Variants in CENPP observed in about 807,000 individuals in gnomAD.
CENPP encodes the protein centromere protein P.
Under a neutral mutation model 35.6 loss-of-function variants are expected in CENPP, and 24 were observed. The ratio of observed to expected loss-of-function variants is 0.67; its 90% CI spans 0.49 to 0.95. The LOEUF (loss-of-function observed/expected upper bound fraction) is 0.95, where lower values mean the gene tolerates loss of function less well. Ranked by LOEUF, CENPP falls within the 40% of genes least tolerant of loss-of-function variation. The pLI, the probability that CENPP is intolerant of heterozygous loss-of-function variation, is 0.00. For synonymous variants in CENPP, 120 were observed against 125.5 expected (o/e 0.96, Z 0.29); for missense variants, 332 against 345.3 (o/e 0.96, Z 0.31).
intron 3 of CENPP, among the ~76,000 whole-genome samples, chr9:92,342,793 C>T (rs1841163925): frequency 6.6e-6 from 1 of 152,152 alleles, no homozygotes; most frequent in Non-Finnish European, 1.5e-5. Flanking sequence ...ATGTTTATTA[C>T]TTAATGGTAA....
intron 5 of CENPP, among the ~76,000 whole-genome samples, chr9:92,588,271 CAG>C (rs376559116): frequency 4.0e-4 from 61 of 150,964 alleles, no homozygotes; most frequent in African/African-American, 1.5e-3. Context: ...TTTTTTGAGA[CAG>C]AGTCTCGCTC....
chr9:92,541,913 C>T (rs1849327465), intron 5 of CENPP, among the ~76,000 whole-genome samples: 1 of 152,132 alleles, frequency 6.6e-6, no homozygotes, highest in African/African-American at 2.4e-5. Flanking sequence ...CCTGCCTCAG[C>T]TTCATGAGTA....
At chr9:92,384,152 T>C (rs991201164) in intron 5 of CENPP, 4 of 152,166 alleles carry the variant, frequency 2.6e-5, no homozygotes, top group African/African-American at 9.6e-5. Context: ...GCTGTGATCA[T>C]TAGTTATCAA....
intron 5 of CENPP, among the ~76,000 whole-genome samples, chr9:92,556,894 C>T (rs1007548397): frequency 2.6e-5 from 4 of 151,964 alleles, no homozygotes; most frequent in African/African-American, 9.7e-5. Flanking sequence ...TTTGCTTTTG[C>T]TTTTTAGCTT....
chr9:92,500,999 A>T (rs770074932), intron 5 of CENPP: 1 of 1,614,190 alleles, frequency 6.2e-7, no homozygotes, highest in Non-Finnish European at 8.5e-7. Flanking sequence ...ACTTGGGTAG[A>T]TAGGACGGGA....
chr9:92,359,332 C>G (rs938465305), intron 4 of CENPP, among the ~76,000 whole-genome samples: 1 of 151,988 alleles, frequency 6.6e-6, no homozygotes, highest in Admixed American at 6.6e-5. Context: ...ATGTGGTAAC[C>G]CCCAAAGTCA....
chr9:92,477,900 A>T (rs551496779), intron 5 of CENPP, among the ~76,000 whole-genome samples: 5 of 152,356 alleles, frequency 3.3e-5, no homozygotes, highest in Non-Finnish European at 7.3e-5. Flanking sequence ...GGGTAGGAAC[A>T]GGGGTGTAGG....
At chr9:92,595,754 G>C (rs71496405) in intron 5 of CENPP, among the ~76,000 whole-genome samples, 5 of 151,510 alleles carry the variant, frequency 3.3e-5, no homozygotes, top group Admixed American at 1.3e-4. Flanking sequence ...TAGAGACAGG[G>C]TTTCACCATG....
chr9:92,473,005 C>T (rs1014024668), intron 5 of CENPP, among the ~76,000 whole-genome samples: 1 of 152,056 alleles, frequency 6.6e-6, no homozygotes, highest in Admixed American at 6.5e-5. Context: ...TTTATGGTCA[C>T]GTTTTGGGGG....
intron 1 of CENPP, among the ~76,000 whole-genome samples, chr9:92,329,732 T>C (rs1840683936): frequency 6.6e-6 from 1 of 152,058 alleles, no homozygotes; most frequent in South Asian, 2.1e-4. Context: ...TTTGTGTGTG[T>C]GTGTGTGTGT....
intron 5 of CENPP, among the ~76,000 whole-genome samples, chr9:92,465,374 A>G (rs2131057374): frequency 6.6e-6 from 1 of 152,356 alleles, no homozygotes; most frequent in East Asian, 1.9e-4. Flanking sequence ...ATATAATCCA[A>G]AATGTTTATG....
chr9:92,351,211 C>G (rs748353904), intron 4 of CENPP, among the ~76,000 whole-genome samples: 64 of 152,272 alleles, frequency 4.2e-4, no homozygotes, highest in Non-Finnish European at 6.8e-4. Flanking sequence ...GAAACTTTGG[C>G]CAGGTGTGGT....
intron 4 of CENPP, among the ~76,000 whole-genome samples, chr9:92,378,040 A>G (rs910174788): frequency 6.6e-6 from 1 of 152,144 alleles, no homozygotes; most frequent in African/African-American, 2.4e-5. Flanking sequence ...TGCAGCTGCC[A>G]TGCTGGTTGA....
chr9:92,526,596 A>G (rs1848425485), intron 5 of CENPP, among the ~76,000 whole-genome samples: 1 of 151,984 alleles, frequency 6.6e-6, no homozygotes, highest in African/African-American at 2.4e-5. Flanking sequence ...TAGAAACCAA[A>G]AAAACTATAG....
intron 5 of CENPP, chr9:92,403,402 C>T: frequency 6.3e-7 from 1 of 1,595,776 alleles, no homozygotes; most frequent in Non-Finnish European, 8.5e-7. Context: ...ACTGCAGAGT[C>T]TTCATTTTAG....
intron 5 of CENPP, among the ~76,000 whole-genome samples, chr9:92,539,535 A>G (rs941416174): frequency 2.0e-5 from 3 of 152,116 alleles, no homozygotes; most frequent in Non-Finnish European, 4.4e-5. Context: ...TTGGGTTTGC[A>G]GAAATTAAGT....
chr9:92,489,730 C>G, intron 5 of CENPP, among the ~76,000 whole-genome samples: 1 of 152,158 alleles, frequency 6.6e-6, no homozygotes, highest in Non-Finnish European at 1.5e-5. Flanking sequence ...CCATGGTTCA[C>G]TCTGTTCCGT....
At chr9:92,537,487 C>A (rs1849211463) in intron 5 of CENPP, among the ~76,000 whole-genome samples, 1 of 151,960 alleles carries the variant, frequency 6.6e-6, no homozygotes, top group South Asian at 2.1e-4. Context: ...ATGTGAAACC[C>A]CGTCTCTACT....
At chr9:92,393,639 C>G (rs1480978591) in intron 5 of CENPP, among the ~76,000 whole-genome samples, 2 of 152,160 alleles carry the variant, frequency 1.3e-5, no homozygotes, top group Non-Finnish European at 2.9e-5. Flanking sequence ...AGTAAGGAAG[C>G]CATTAACTTG....
Sources: allele counts gnomAD v4.1 joint callset (sites outside exome capture counted in the v4.1 genomes callset), GRCh38; gene constraint gnomAD v4.1.1; transcripts MANE v1.5; gene names NCBI Gene and HGNC (gene_info 2026-07-23, HGNC 2026-07-21).